PHF2: variants seen among roughly 807,000 people sequenced by gnomAD.
PHF2 encodes lysine-specific demethylase PHF2.
Under a neutral mutation model 120.5 loss-of-function variants are expected in PHF2, and 27 were observed. The ratio of observed to expected loss-of-function variants is 0.22; its 90% confidence interval spans 0.17 to 0.31. The LOEUF (loss-of-function observed/expected upper bound fraction) is 0.31. Among genes scored for constraint, PHF2 ranks in the 10% least tolerant of loss-of-function variants. The probability of loss-of-function intolerance (pLI) is 1.00; values close to 1 mark genes in which losing one functional copy is unlikely to be tolerated. For missense variants in PHF2, 1,024 were observed against 1,434.8 expected, an observed-to-expected ratio of 0.71 and a Z score of 4.63; for synonymous variants, 568 against 592.5, an observed-to-expected ratio of 0.96 and a Z score of 0.60.
At chr9:93,584,735 T>G (rs1863003594) in intron 1 of PHF2, among the ~76,000 whole-genome samples, 1 of 152,260 alleles carries the variant, frequency 6.6e-6, no homozygotes, top group Admixed American at 6.5e-5. Context: ...CTCCTTGCGT[T>G]CCATATGAAT....
Position 93,677,228 on chromosome 9 carries a change from C to T in PHF2, c.3202+265C>T, listed in dbSNP as rs1161357617. ...CACCCCTGCACCCCAGCCGTGGGGC[C>T]GGCCAGCTGTGGGGACTGAGTGATG... On this transcript the variant is annotated intron_variant, in intron 21 of 21. Coordinates refer to ENST00000359246, the MANE Select transcript of PHF2 (RefSeq NM_005392.4). The surrounding 1 kb of genome is among the most constrained non-coding windows in gnomAD (Gnocchi z 4.4). Among the ~76,000 whole-genome samples the T allele has an allele frequency of 6.6e-6, 1 of 151,644 alleles. No homozygotes were observed. The highest frequency in any genetic ancestry group is 1.5e-5 in the Non-Finnish European group (1 of 67,940).
intron 1 of PHF2, among the ~76,000 whole-genome samples, chr9:93,591,062 A>G (rs1825209240): frequency 6.6e-6 from 1 of 152,150 alleles, no homozygotes; most frequent in Non-Finnish European, 1.5e-5. Flanking sequence ...GGGATCCAAC[A>G]TCACTCAGCA....
At chr9:93,653,946 C>A (rs182579760) in intron 6 of PHF2, among the ~76,000 whole-genome samples, 1 of 152,264 alleles carries the variant, frequency 6.6e-6, no homozygotes, top group Non-Finnish European at 1.5e-5. Context: ...TTGAGCAAGT[C>A]ACTGGGGCAT....
Position 93,660,549 on chromosome 9 carries a change from A to G in PHF2, c.1687A>G (p.Lys563Glu). The G allele has an allele frequency of 6.4e-7, 1 of 1,563,642 alleles. No individual in the cohort carries two copies. The highest frequency in any genetic ancestry group is 2.2e-5 in the East Asian group (1 of 44,622). The change falls in exon 12 of 22, where the codon AAG becomes GAG. Residue 563 changes from lysine to glutamate, a missense_variant. Physicochemically the swap from Lys to Glu is moderately conservative, Grantham distance 56 (BLOSUM62 1). Transcript: ENST00000359246. ...GGCACTGACCAAGATGGAGCCGCCC[A>G]AGAAGGGCAAGGTGGGACCCCCTCA... The part of the protein sequence containing the change: ...KEALTKMEPP[K>E]KGKATKSVLS...
intron 4 of PHF2, among the ~76,000 whole-genome samples, chr9:93,647,360 CT>C (rs1197325001): frequency 6.6e-6 from 1 of 152,200 alleles, no homozygotes; most frequent in Non-Finnish European, 1.5e-5. Context: ...GGTTTTTCCC[CT>C]GGCCGTGTTC....
At position 93,677,562 on chromosome 9, in the gene PHF2, T is replaced by C. The variant is rs1826941440; in HGVS notation, c.3203-26T>C. ...TTGCCATCTAGCTTACCTTCCCTTT[T>C]TGTGTCCCCTCCCCGACTCCCCTAG... On this transcript the variant is annotated intron_variant, in intron 21 of 21. Coordinates refer to ENST00000359246, the MANE Select transcript of PHF2 (RefSeq NM_005392.4). The surrounding 1 kb of genome is among the most constrained non-coding windows in gnomAD (Gnocchi z 4.4). 1 of 1,598,640 alleles carries C rather than the reference T, an allele frequency of 6.3e-7. No individual in the cohort carries two copies. The highest frequency in any genetic ancestry group is 1.7e-5 in the Admixed American group (1 of 59,716).
At chr9:93,652,536 C>A (rs1826386692) in intron 5 of PHF2, among the ~76,000 whole-genome samples, 1 of 151,922 alleles carries the variant, frequency 6.6e-6, no homozygotes, top group Non-Finnish European at 1.5e-5. Flanking sequence ...CGTGGTCCGC[C>A]CACCTCGGCC....
chr9:93,609,028 C>T (rs1304223618), intron 1 of PHF2, among the ~76,000 whole-genome samples: 3 of 134,974 alleles, frequency 2.2e-5, no homozygotes, highest in South Asian at 2.2e-4. Flanking sequence ...ATTGAGCATT[C>T]GATGTGATCC....
At chr9:93,579,736 C>T (rs930013505) in intron 1 of PHF2, among the ~76,000 whole-genome samples, 2 of 152,232 alleles carry the variant, frequency 1.3e-5, no homozygotes, top group African/African-American at 4.8e-5. Flanking sequence ...TTCTTCCAGC[C>T]AGCCCCGTTT....
intron 3 of PHF2, among the ~76,000 whole-genome samples, chr9:93,638,063 G>A (rs559771534): frequency 4.6e-5 from 7 of 151,480 alleles, no homozygotes; most frequent in Non-Finnish European, 7.4e-5. Flanking sequence ...TGAGCTTGTC[G>A]ATCCTTGTAT....
chr9:93,653,683 C>T (rs150154653), intron 6 of PHF2, among the ~76,000 whole-genome samples: 223 of 152,338 alleles, frequency 1.5e-3, no homozygotes, highest in African/African-American at 5.1e-3. Context: ...GAAGAGGGGC[C>T]AGCCATAGCC....
At position 93,679,288 on chromosome 9, in the gene PHF2, GA is replaced by G. The variant is rs1452074921; in HGVS notation, c.*1613del. The G allele has an allele frequency of 8.8e-6, 4 of 455,478 alleles. No individual in the cohort carries two copies. The East Asian group carries it at 2.8e-4, about 32-fold the overall frequency. The allele number at this position is 455,478 out of a possible 1,614,324, so 28.2% of individuals were successfully genotyped here. A position where few individuals can be genotyped will look rare whatever the true frequency, so the allele number is the denominator to read the frequency against. On this transcript the variant is annotated 3_prime_UTR_variant, in exon 22 of 22. Coordinates refer to ENST00000359246, the MANE Select transcript of PHF2 (RefSeq NM_005392.4). ...CCCTAGGGCCCGAGACTGGGTGGGA[GA>G]GGGGGAGTCTCACGGGGCCCCAGGC...
Position 93,608,009 on chromosome 9 carries a change from G to GAGAA in PHF2, c.99-21960_99-21959insGAAA, listed in dbSNP as rs1554792563. Among the ~76,000 whole-genome samples the GAGAA allele has an allele frequency of 1.2e-3, 154 of 123,784 alleles. 4 individuals carry two copies. The South Asian group carries it at 0.016, about 13-fold the overall frequency. 81.2% of individuals were successfully genotyped at this position (123,784 alleles called of 152,430 possible). A position where few individuals can be genotyped will look rare whatever the true frequency, so the allele number is the denominator to read the frequency against. On this transcript the variant is annotated intron_variant, in intron 1 of 21. Coordinates refer to ENST00000359246, the MANE Select transcript of PHF2 (RefSeq NM_005392.4). ...CGGAGGGAGATGAGAGAGAGAGAGAGAAGGAAAGGAGGAAGGAAAGAAAGG... is the reference window on the plus strand; with the variant it reads ...CGGAGGGAGATGAGAGAGAGAGAGAGAGAAAAGGAAAGGAGGAAGGAAAGAAAGG...
chr9:93,628,888 C>T (rs371122513), intron 1 of PHF2, among the ~76,000 whole-genome samples: 95 of 152,200 alleles, frequency 6.2e-4, no homozygotes, highest in Non-Finnish European at 1.1e-3. Context: ...TACAGATGCC[C>T]ATTCTCACGT....
At chr9:93,673,461 C>T in intron 17 of PHF2, 124 bp from the exon 18 acceptor site, 1 of 815,072 alleles carries the variant, frequency 1.2e-6, no homozygotes, top group South Asian at 2.5e-5. Flanking sequence ...TGCTCCACGC[C>T]CTCTGCCTGC....
chr9:93,597,433 G>A (rs980657807), intron 1 of PHF2, among the ~76,000 whole-genome samples: 10 of 152,072 alleles, frequency 6.6e-5, no homozygotes, highest in African/African-American at 2.2e-4. Flanking sequence ...GACTGTGCAG[G>A]TAGCCTCCCA....
Position 93,656,018 on chromosome 9 carries a change from T to A in PHF2, c.1037T>A (p.Met346Lys), listed in dbSNP as rs1826453028. 6.2e-7 allele frequency: 1 copy of A among 1,611,500 alleles called. No homozygotes were observed. Reference protein sequence around the residue: ...FLHSLSVEMQMRAYEVERRLK... With the variant: ...FLHSLSVEMQKRAYEVERRLK... ...CACAGCCTGAGTGTGGAGATGCAGA[T>A]GAGGTAGTGCCTGCCGCGCTGTCTG... is the stretch of plus-strand genomic sequence containing the variant. The change falls in exon 8 of 22, where the codon ATG becomes AAG. Residue 346 changes from methionine (M) to lysine (K), a missense_variant. By Grantham distance (95) the Met-to-Lys change is moderately conservative (BLOSUM62 -1). This residue lies in a region of PHF2 where 347 missense variants were observed against 577.4 expected (regional missense o/e 0.60). Transcript: ENST00000359246. This position sits in a 1 kb window ranked among gnomAD's most constrained non-coding sequence, Gnocchi z 4.1.
At chr9:93,668,722 A>G (rs1476937534) in intron 17 of PHF2, among the ~76,000 whole-genome samples, 1 of 152,136 alleles carries the variant, frequency 6.6e-6, no homozygotes, top group African/African-American at 2.4e-5. Flanking sequence ...CCATCTGTGG[A>G]CACACTGATA....
intron 1 of PHF2, among the ~76,000 whole-genome samples, chr9:93,620,010 G>A (rs1587686898): frequency 2.6e-5 from 4 of 152,164 alleles, no homozygotes; most frequent in South Asian, 2.1e-4. Context: ...CTTAGAAGGC[G>A]TCCCTGGGCT....
Sources: allele counts gnomAD v4.1 joint callset (sites outside exome capture counted in the v4.1 genomes callset), GRCh38; gene constraint gnomAD v4.1.1; regional missense constraint gnomAD v4.1.1; non-coding constraint Gnocchi (gnomAD v3.1); transcripts MANE v1.5; gene names NCBI Gene and HGNC (gene_info 2026-07-23, HGNC 2026-07-21).